MAPKAP1: variants seen among roughly 807,000 people sequenced by gnomAD.
MAPKAP1 encodes the protein target of rapamycin complex 2 subunit MAPKAP1.
Under a neutral mutation model 65.7 loss-of-function variants are expected in MAPKAP1, and 20 were observed. That is an observed-to-expected ratio of 0.30 (90% confidence interval 0.21 to 0.44). MAPKAP1 has a LOEUF of 0.44. Among genes scored for constraint, MAPKAP1 ranks in the 20% least tolerant of loss-of-function variants. The pLI is 1.00. For synonymous variants in MAPKAP1, 222 were observed against 244.3 expected (o/e 0.91, Z 0.85); for missense variants, 423 against 648.0 (o/e 0.65, Z 3.77).
At chr9:125,597,773 A>G (rs1250594393) in intron 4 of MAPKAP1, among the ~76,000 whole-genome samples, 4 of 152,214 alleles carry the variant, frequency 2.6e-5, no homozygotes, top group African/African-American at 9.6e-5. Context: ...AAATTGATAA[A>G]AGAGTTATTT....
chr9:125,509,768 C>G (rs939073259), intron 7 of MAPKAP1, among the ~76,000 whole-genome samples: 1 of 152,158 alleles, frequency 6.6e-6, no homozygotes, highest in Non-Finnish European at 1.5e-5. Context: ...GGAGGAATTT[C>G]AGGCCGGTCT....
chr9:125,471,577 T>A (rs1362087512), intron 9 of MAPKAP1: 1 of 152,150 alleles, frequency 6.6e-6, no homozygotes, highest in Non-Finnish European at 1.5e-5. Context: ...GCTAGTGGGG[T>A]TGCAAGTGCG....
At chr9:125,485,094 T>C (rs982087010) in intron 8 of MAPKAP1, among the ~76,000 whole-genome samples, 2 of 152,158 alleles carry the variant, frequency 1.3e-5, no homozygotes, top group Non-Finnish European at 2.9e-5. Context: ...CCATTGGTAC[T>C]GATATTCCCA....
rs1852763613 is a variant in MAPKAP1, at chr9:125,447,541, G to A, written c.1346-2943C>T. 6.6e-6 allele frequency: 3 copies of A among 453,870 alleles called. No individual in the cohort carries two copies. The highest frequency in any genetic ancestry group is 3.3e-4 in the Middle Eastern group (1 of 2,998). The allele number at this position is 453,870 out of a possible 1,614,324, so 28.1% of individuals were successfully genotyped here. ...CAGCCATGCTGGGCCATAGGACATG[G>A]GGCGGACTCACTCCGCGGGCGTTTC... On this transcript the variant is annotated intron_variant, in intron 10 of 11. Coordinates refer to ENST00000265960, the MANE Select transcript of MAPKAP1 (RefSeq NM_001006617.3). The surrounding 1 kb of genome is among the most constrained non-coding windows in gnomAD (Gnocchi z 4.5).
intron 6 of MAPKAP1, among the ~76,000 whole-genome samples, chr9:125,557,425 AC>A (rs553878957): frequency 7.7e-4 from 118 of 152,328 alleles, no homozygotes; most frequent in Non-Finnish European, 1.2e-3. Context: ...AGAAAAAAAA[AC>A]TTCTAATACC....
At chr9:125,594,002 A>C (rs1832049433) in intron 4 of MAPKAP1, among the ~76,000 whole-genome samples, 1 of 152,196 alleles carries the variant, frequency 6.6e-6, no homozygotes, top group African/African-American at 2.4e-5. Context: ...CTACTCTGTC[A>C]CGCAAGCTAG....
At chr9:125,481,140 T>TGG (rs1854301205) in intron 9 of MAPKAP1, among the ~76,000 whole-genome samples, 1 of 152,196 alleles carries the variant, frequency 6.6e-6, no homozygotes, top group Non-Finnish European at 1.5e-5. Flanking sequence ...GTGGCAAGGC[T>TGG]GGGATTCAAA....
intron 8 of MAPKAP1, among the ~76,000 whole-genome samples, chr9:125,496,432 T>C (rs1318630267): frequency 6.6e-6 from 1 of 152,246 alleles, no homozygotes; most frequent in Non-Finnish European, 1.5e-5. Context: ...GTCATTTTCA[T>C]TTGTAAATAA....
At chr9:125,556,984 C>T (rs1589285748) in intron 6 of MAPKAP1, among the ~76,000 whole-genome samples, 1 of 152,192 alleles carries the variant, frequency 6.6e-6, no homozygotes, top group Admixed American at 6.5e-5. Flanking sequence ...TTTTCAGAAA[C>T]ACTCCAGACA....
chr9:125,444,079 T>C (rs182290474), intron 11 of MAPKAP1, among the ~76,000 whole-genome samples: 1 of 152,246 alleles, frequency 6.6e-6, no homozygotes, highest in Non-Finnish European at 1.5e-5. Context: ...AAGTTAGGTA[T>C]GTTTAGAACA....
intron 10 of MAPKAP1, among the ~76,000 whole-genome samples, chr9:125,446,748 G>A (rs1023039345): frequency 2.0e-5 from 3 of 152,152 alleles, no homozygotes; most frequent in African/African-American, 7.2e-5. Context: ...AAGCTTCGGG[G>A]TTCACTGACC....
chr9:125,539,155 A>G (rs1830166127), intron 7 of MAPKAP1, among the ~76,000 whole-genome samples: 1 of 152,198 alleles, frequency 6.6e-6, no homozygotes, highest in Non-Finnish European at 1.5e-5. Context: ...CAAAGCTAAC[A>G]TTTTTCTTTC....
intron 4 of MAPKAP1, among the ~76,000 whole-genome samples, chr9:125,653,687 G>A (rs781437587): frequency 1.3e-5 from 2 of 152,176 alleles, no homozygotes; most frequent in Non-Finnish European, 2.9e-5. Context: ...AAGTCACACC[G>A]TAAGTGGAGC....
chr9:125,647,014 G>A (rs1588034512), intron 4 of MAPKAP1, among the ~76,000 whole-genome samples: 2 of 152,284 alleles, frequency 1.3e-5, no homozygotes, highest in African/African-American at 2.4e-5. Flanking sequence ...ACATGCCTGC[G>A]TTCTCCAGCA....
chr9:125,540,093 C>G (rs961380784), intron 7 of MAPKAP1, among the ~76,000 whole-genome samples: 1 of 152,146 alleles, frequency 6.6e-6, no homozygotes, highest in African/African-American at 2.4e-5. Context: ...CTGTAAATGA[C>G]AGTCTATCCT....
At chr9:125,652,398 C>G (rs2131740119) in intron 4 of MAPKAP1, 1 of 460,216 alleles carries the variant, frequency 2.2e-6, no homozygotes, top group South Asian at 5.8e-5. Flanking sequence ...GAATATTTCC[C>G]CTGATACATT....
At chr9:125,677,833 T>C (rs1441345421) in intron 1 of MAPKAP1, among the ~76,000 whole-genome samples, 1 of 152,158 alleles carries the variant, frequency 6.6e-6, no homozygotes, top group African/African-American at 2.4e-5. Flanking sequence ...CTTTAAAGCA[T>C]AAAGATTTGT....
chr9:125,705,505 C>T (rs768089835), intron 1 of MAPKAP1, among the ~76,000 whole-genome samples: 1 of 152,164 alleles, frequency 6.6e-6, no homozygotes. Context: ...GTACTTATCA[C>T]GGTGTTAGAA....
In MAPKAP1 at chr9:125,439,069, G is replaced by A; in HGVS notation, c.1444-57C>T. On this transcript the variant is annotated intron_variant, in intron 11 of 11. Transcript: ENST00000265960. The surrounding 1 kb of genome is among the most constrained non-coding windows in gnomAD (Gnocchi z 4.0). The stretch of plus-strand genomic sequence containing the variant: ...TGCCAGCCGCTCCCTACCCACCCAG[G>A]GCATCGGAGGGGGTGGCAGGGAAGG... 1 of 1,595,140 alleles carries A rather than the reference G, an allele frequency of 6.3e-7. No individual in the cohort carries two copies. The highest frequency in any genetic ancestry group is 2.2e-5 in the East Asian group (1 of 44,658).
Sources: allele counts gnomAD v4.1 joint callset (sites outside exome capture counted in the v4.1 genomes callset), GRCh38; gene constraint gnomAD v4.1.1; non-coding constraint Gnocchi (gnomAD v3.1); transcripts MANE v1.5; gene names NCBI Gene and HGNC (gene_info 2026-07-23, HGNC 2026-07-21).